The following NDST4 variants were observed in gnomAD, a reference collection of about 807,000 sequenced individuals.
NDST4 encodes N-deacetylase and N-sulfotransferase 4, also known as N-heparan sulfate sulfotransferase 4.
NDST4 carries 63 observed loss-of-function variants against 100.8 expected under a neutral mutation model. The ratio of observed to expected loss-of-function variants is 0.62; its 90% CI spans 0.51 to 0.77. The LOEUF (loss-of-function observed/expected upper bound fraction) is 0.77. Ranked by LOEUF, NDST4 falls within the 30% of genes least tolerant of loss-of-function variation. The pLI, the probability that NDST4 is intolerant of heterozygous loss-of-function variation, is 0.00. For synonymous variants in NDST4, 377 were observed against 361.8 expected (o/e 1.04, Z -0.48); for missense variants, 943 against 1,018.4 (o/e 0.93, Z 1.01).
chr4:114,877,599 CATTTT>C (rs1724282543), intron 6 of NDST4, among the ~76,000 whole-genome samples: 1 of 152,152 alleles, frequency 6.6e-6, no homozygotes, highest in African/African-American at 2.4e-5. Context: ...CAAAGAGACA[CATTTT>C]ATTAATTTAG....
In NDST4 at chr4:115,093,779, T is replaced by C. The variant is rs375295024; in HGVS notation, c.-246-16497A>G. On this transcript the variant is annotated intron_variant, in intron 1 of 13. Coordinates refer to ENST00000264363, the MANE Select transcript of NDST4 (RefSeq NM_022569.3). ...ATTAAAAACAATTATAAATAAGATATGAGTAAAATACATTTAAGAGTTTTA... is the reference window on the plus strand; with the variant it reads ...ATTAAAAACAATTATAAATAAGATACGAGTAAAATACATTTAAGAGTTTTA... Among the ~76,000 whole-genome samples, 19 of 152,050 alleles carry C rather than the reference T, an allele frequency of 1.2e-4. No individual in the cohort carries two copies. The South Asian group carries it at 3.5e-3, about 28-fold the overall frequency.
intron 2 of NDST4, among the ~76,000 whole-genome samples, chr4:115,051,985 A>G (rs1300812007): frequency 6.6e-6 from 1 of 152,138 alleles, no homozygotes; most frequent in African/African-American, 2.4e-5. Context: ...TAACTGAGGT[A>G]AGATGATATA....
chr4:114,981,142 C>CTA (rs1726760994), intron 2 of NDST4, among the ~76,000 whole-genome samples: 1 of 151,552 alleles, frequency 6.6e-6, no homozygotes, highest in Non-Finnish European at 1.5e-5. Context: ...ATCACTTTAG[C>CTA]CCAGGAGTTT....
intron 2 of NDST4, among the ~76,000 whole-genome samples, chr4:114,985,328 T>C (rs1411989240): frequency 6.6e-6 from 1 of 152,180 alleles, no homozygotes; most frequent in African/African-American, 2.4e-5. Context: ...AAAAGCTCAC[T>C]CTCTTTGGGC....
At chr4:115,006,354 C>A (rs1727416924) in intron 2 of NDST4, among the ~76,000 whole-genome samples, 1 of 151,856 alleles carries the variant, frequency 6.6e-6, no homozygotes, top group East Asian at 1.9e-4. Flanking sequence ...AGATATCATT[C>A]ATTGCAGATG....
intron 2 of NDST4, among the ~76,000 whole-genome samples, chr4:115,032,836 T>C (rs771875734): frequency 8.6e-5 from 13 of 152,016 alleles, no homozygotes; most frequent in Non-Finnish European, 1.9e-4. Context: ...ACTAATGATG[T>C]GTTTTGAGTT....
chr4:114,871,953 T>A (rs899470078), intron 6 of NDST4, among the ~76,000 whole-genome samples: 1 of 152,138 alleles, frequency 6.6e-6, no homozygotes, highest in South Asian at 2.1e-4. Context: ...TTAGAACAAA[T>A]GTAACATCTG....
intron 6 of NDST4, among the ~76,000 whole-genome samples, chr4:114,928,709 G>A (rs1416744360): frequency 6.6e-6 from 1 of 152,120 alleles, no homozygotes; most frequent in African/African-American, 2.4e-5. Context: ...ATTGCCCTCT[G>A]TAATGCGGGT....
At chr4:115,100,137 G>A (rs1348211296) in intron 1 of NDST4, among the ~76,000 whole-genome samples, 1 of 152,022 alleles carries the variant, frequency 6.6e-6, no homozygotes, top group Non-Finnish European at 1.5e-5. Flanking sequence ...TGAAAGGATC[G>A]GTGGTTATCA....
intron 12 of NDST4, among the ~76,000 whole-genome samples, chr4:114,831,545 C>T (rs1389116939): frequency 1.3e-5 from 2 of 152,300 alleles, no homozygotes; most frequent in Middle Eastern, 3.4e-3. Flanking sequence ...ACAGCCCTGG[C>T]AGCAAAGTCA....
chr4:115,026,055 C>T (rs901876355), intron 2 of NDST4, among the ~76,000 whole-genome samples: 5 of 152,086 alleles, frequency 3.3e-5, no homozygotes, highest in Admixed American at 3.3e-4. Context: ...CCCTTTTCCT[C>T]CACACATTCT....
intron 4 of NDST4, among the ~76,000 whole-genome samples, chr4:114,946,178 C>A (rs937875492): frequency 1.3e-5 from 2 of 152,110 alleles, no homozygotes; most frequent in African/African-American, 4.8e-5. Flanking sequence ...TGATTTGGCA[C>A]GTGCTTTGCT....
chr4:114,847,448 A>G (rs1307092079), intron 9 of NDST4, among the ~76,000 whole-genome samples: 1 of 141,268 alleles, frequency 7.1e-6, no homozygotes, highest in Non-Finnish European at 1.5e-5. Flanking sequence ...TTCATGCATG[A>G]TGATGACACA....
At chr4:115,112,498 G>A (rs1254031126) in intron 1 of NDST4, among the ~76,000 whole-genome samples, 1 of 151,828 alleles carries the variant, frequency 6.6e-6, no homozygotes, top group Non-Finnish European at 1.5e-5. Flanking sequence ...GTTTGAAAGA[G>A]ACATGATAAA....
intron 1 of NDST4, among the ~76,000 whole-genome samples, chr4:115,095,032 A>C (rs928799456): frequency 6.6e-6 from 1 of 152,192 alleles, no homozygotes; most frequent in African/African-American, 2.4e-5. Flanking sequence ...CAAGGCTCCC[A>C]ACACAATGTC....
chr4:115,028,011 C>T (rs1300601641), intron 2 of NDST4, among the ~76,000 whole-genome samples: 1 of 151,442 alleles, frequency 6.6e-6, no homozygotes, highest in East Asian at 2.0e-4. Context: ...AGAGATTCAC[C>T]GATTCACCAT....
At chr4:115,067,729 CT>C (rs143037463) in intron 2 of NDST4, among the ~76,000 whole-genome samples, 1,915 of 148,274 alleles carry the variant, frequency 0.013, 26 homozygotes, top group African/African-American at 0.029. Flanking sequence ...TTATCATTTT[CT>C]TTTTTTTTTG....
At chr4:115,068,532 G>T (rs1441318736) in intron 2 of NDST4, among the ~76,000 whole-genome samples, 2 of 151,838 alleles carry the variant, frequency 1.3e-5, no homozygotes, top group Non-Finnish European at 1.5e-5. Context: ...GTTCTGGCTG[G>T]GTGCGGTGGC....
intron 2 of NDST4, among the ~76,000 whole-genome samples, chr4:115,056,505 C>T (rs1240914883): frequency 6.6e-6 from 1 of 152,002 alleles, no homozygotes; most frequent in African/African-American, 2.4e-5. Context: ...AGTTTCTCAA[C>T]CAGGGAACAA....
Sources: gnomAD v4.1 joint callset for allele counts (sites outside exome capture counted in the v4.1 genomes callset) on GRCh38, gnomAD v4.1.1 for gene constraint, MANE v1.5 for transcripts, NCBI Gene and HGNC (gene_info 2026-07-23, HGNC 2026-07-21) for gene names.